ZNF324B: variants seen among roughly 807,000 people sequenced by gnomAD.
ZNF324B encodes the protein zinc finger protein 324B.
ZNF324B carries 7 observed loss-of-function variants against 10.6 expected under a neutral mutation model. The ratio of observed to expected loss-of-function variants is 0.66; its 90% CI spans 0.38 to 1.24. The LOEUF (loss-of-function observed/expected upper bound fraction) is 1.24, where lower values mean the gene tolerates loss of function less well. Among genes scored for constraint, ZNF324B ranks in the 50% most tolerant of loss-of-function variants. ZNF324B has a pLI of 0.02. For synonymous variants in ZNF324B, 316 were observed against 321.0 expected, an observed-to-expected ratio of 0.98 and a Z score of 0.17; for missense variants, 640 against 764.7, an observed-to-expected ratio of 0.84 and a Z score of 1.92.
chr19:58,422,224 C>T, the ZNF324B span, among the ~76,000 whole-genome samples: 18 of 152,046 alleles, frequency 1.2e-4, no homozygotes, highest in African/African-American at 2.9e-4. Context: ...TTCAACATCC[C>T]GTCATGGCAG....
At chr19:58,453,461 C>T (rs1333064537) in intron 1 of ZNF324B, among the ~76,000 whole-genome samples, 2 of 152,180 alleles carry the variant, frequency 1.3e-5, no homozygotes, top group East Asian at 1.9e-4. Context: ...CTTGCTCTAG[C>T]CTGCTTGTGT....
the ZNF324B span, among the ~76,000 whole-genome samples, chr19:58,427,407 C>CT: frequency 8.4e-4 from 26 of 30,788 alleles, no homozygotes; most frequent in East Asian, 4.2e-3. Context: ...TCTTTCTTTC[C>CT]TTCCTTCCTT....
the ZNF324B span, among the ~76,000 whole-genome samples, chr19:58,427,762 C>A: frequency 6.6e-6 from 1 of 151,714 alleles, no homozygotes; most frequent in African/African-American, 2.4e-5. Flanking sequence ...ATCCAGTGAT[C>A]CTCCTGCCTC....
chr19:58,454,275 G>T lies in ZNF324B; in HGVS notation c.169G>T (p.Glu57Ter). 1 of 1,614,090 alleles carries T rather than the reference G, an allele frequency of 6.2e-7. No individual in the cohort carries two copies. The highest frequency in any genetic ancestry group is 8.5e-7 in the Non-Finnish European group (1 of 1,180,004). The change falls in exon 3 of 4, where the codon GAG (glutamate) becomes TAG (stop). Residue 57 changes from glutamate to a stop codon, truncating the protein, a stop_gained. Coordinates refer to ENST00000336614, the MANE Select transcript of ZNF324B (RefSeq NM_207395.3). LOFTEE classifies it high-confidence loss of function. ...TGTGGTCATTCAACTTGAGCGTGGC[G>T]AGGAGCCCTGGGTTCCCAGTGGAAA... is the stretch of plus-strand genomic sequence containing the variant. ...PRVVIQLERG[E>*]EPWVPSGKDM...
At chr19:58,437,343 C>T in the ZNF324B span, 3 of 1,080,794 alleles carry the variant, frequency 2.8e-6, no homozygotes, top group Non-Finnish European at 3.9e-6. Context: ...CACTACTCAC[C>T]CATCCACAGC....
At chr19:58,449,391 G>C (rs141552756), upstream of ZNF324B, among the ~76,000 whole-genome samples, 782 of 152,352 alleles carry the variant, frequency 5.1e-3, 6 homozygotes, top group African/African-American at 0.018. Context: ...AGTCCCCACT[G>C]GGGTACTGCC....
At chr19:58,437,172 C>G in the ZNF324B span, 1 of 1,612,714 alleles carries the variant, frequency 6.2e-7, no homozygotes, top group Non-Finnish European at 8.5e-7. Context: ...GGTTACCATG[C>G]TCTTCAATGT....
At chr19:58,442,056 C>G in the ZNF324B span, 1 of 152,314 alleles carries the variant, frequency 6.6e-6, no homozygotes, top group Non-Finnish European at 1.5e-5. Flanking sequence ...GGCCCTGGCA[C>G]TGGCCAGTGT....
chr19:58,453,082 A>AAAT (rs2052877062), intron 1 of ZNF324B: 1 of 140,370 alleles, frequency 7.1e-6, no homozygotes, highest in Non-Finnish European at 1.5e-5. Flanking sequence ...CTCCAAAATA[A>AAAT]AAATAAATAA....
rs912801833 is a variant in ZNF324B at position 58,456,861 on chromosome 19, A to G, written c.*282A>G. Reference sequence around the variant, plus strand: ...TGGGGCTGAGGCTGTAGTTGGGGCCATAGGACGCCGACAAAGGCAGCGCTG... The same window carrying G: ...TGGGGCTGAGGCTGTAGTTGGGGCCGTAGGACGCCGACAAAGGCAGCGCTG... On this transcript the variant is annotated 3_prime_UTR_variant, in exon 4 of 4. Transcript: ENST00000336614. The surrounding 1 kb of genome is among the most constrained non-coding windows in gnomAD (Gnocchi z 4.7). 7.4e-6 allele frequency: 4 copies of G among 539,844 alleles called. No homozygotes were observed. The highest frequency in any genetic ancestry group is 3.8e-5 in the African/African-American group (2 of 53,010). 33.4% of individuals were successfully genotyped at this position (539,844 alleles called of 1,614,324 possible).
rs2052896027 is a variant in ZNF324B, at chr19:58,454,709, C to A, written c.238+365C>A. On this transcript the variant is annotated intron_variant, in intron 3 of 3. Transcript: ENST00000336614. The stretch of plus-strand genomic sequence containing the variant: ...TAGACACAGCCTTGACCAGGACACT[C>A]ATGGTCCTGCCTTTGTGGGGCTGAT... 1.2e-5 allele frequency: 7 copies of A among 565,236 alleles called. No individual in the cohort carries two copies. In the South Asian group the frequency reaches 1.7e-4, roughly 14 times the overall value. 35.0% of individuals were successfully genotyped at this position (565,236 alleles called of 1,614,324 possible).
At chr19:58,437,315 T>G in the ZNF324B span, 5 of 1,355,524 alleles carry the variant, frequency 3.7e-6, no homozygotes, top group Non-Finnish European at 4.9e-6. Flanking sequence ...CTTTTTCTTA[T>G]GATCCTCTCA....
the ZNF324B span, chr19:58,434,769 C>T: frequency 6.2e-7 from 1 of 1,614,244 alleles, no homozygotes; most frequent in South Asian, 1.1e-5. Flanking sequence ...CTTCTGGAAG[C>T]TGCCCAAGAT....
At chr19:58,433,722 A>C in the ZNF324B span, 1 of 1,613,966 alleles carries the variant, frequency 6.2e-7, no homozygotes, top group South Asian at 1.1e-5. Flanking sequence ...TCCCACATTC[A>C]TTGCACTCAT....
At chr19:58,447,814 A>G (rs778703257), upstream of ZNF324B, among the ~76,000 whole-genome samples, 12 of 152,336 alleles carry the variant, frequency 7.9e-5, no homozygotes, top group South Asian at 2.1e-4. Flanking sequence ...GGAGGGACCC[A>G]GTGGGAGATA....
upstream of ZNF324B, among the ~76,000 whole-genome samples, chr19:58,448,238 C>T (rs1018198073): frequency 6.6e-6 from 1 of 152,168 alleles, no homozygotes; most frequent in African/African-American, 2.4e-5. Context: ...TTCCTAGAGA[C>T]TTGTTGAATG....
chr19:58,456,640 G>T lies in ZNF324B; in HGVS notation c.*61G>T, dbSNP rs533682856. The T allele has an allele frequency of 6.4e-7, 1 of 1,550,448 alleles. No homozygotes were observed. Among genetic ancestry groups the T allele is most frequent in the East Asian group, 2.3e-5 (1 of 43,644 alleles). The stretch of plus-strand genomic sequence containing the variant: ...CTGTGAATCCCTTCCACAGCTAAAG[G>T]GTCCGAGTGCTCTTCAGATCCACGA... On this transcript the variant is annotated 3_prime_UTR_variant, in exon 4 of 4. Coordinates refer to ENST00000336614, the MANE Select transcript of ZNF324B (RefSeq NM_207395.3). This position sits in a 1 kb window ranked among gnomAD's most constrained non-coding sequence, Gnocchi z 4.7.
At chr19:58,432,999 A>T in the ZNF324B span, 1 of 209,060 alleles carries the variant, frequency 4.8e-6, no homozygotes, top group East Asian at 6.3e-5. Flanking sequence ...CTCAACCAGC[A>T]TCGGTTCAGC....
the ZNF324B span, among the ~76,000 whole-genome samples, chr19:58,424,950 A>G: frequency 2.2e-4 from 34 of 152,300 alleles, no homozygotes; most frequent in Admixed American, 1.5e-3. Flanking sequence ...TTCATTTGAG[A>G]TAGTCAAAAG....
Sources: allele counts gnomAD v4.1 joint callset (sites outside exome capture counted in the v4.1 genomes callset), GRCh38; gene constraint gnomAD v4.1.1; non-coding constraint Gnocchi (gnomAD v3.1); transcripts MANE v1.5; gene names NCBI Gene and HGNC (gene_info 2026-07-23, HGNC 2026-07-21).